The following MGLL variants were observed in gnomAD, a reference collection of about 807,000 sequenced individuals.
The protein encoded by MGLL is lysophospholipase homolog.
A neutral mutation model predicts 29.1 loss-of-function variants in MGLL; 7 were observed. The ratio of observed to expected loss-of-function variants is 0.24; its 90% confidence interval spans 0.14 to 0.45. The LOEUF (loss-of-function observed/expected upper bound fraction) is 0.45. Ranked by LOEUF, MGLL falls within the 20% of genes least tolerant of loss-of-function variation. The pLI is 0.99. For missense variants in MGLL, 356 were observed against 413.6 expected (o/e 0.86, Z 1.21); for synonymous variants, 148 against 168.3 (o/e 0.88, Z 0.93).
At chr3:127,719,914 T>C (rs2075886360) in intron 5 of MGLL, among the ~76,000 whole-genome samples, 3 of 152,196 alleles carry the variant, frequency 2.0e-5, no homozygotes, top group Admixed American at 1.3e-4. Context: ...GGCTAAACTA[T>C]CAGATAGTCC....
chr3:127,697,925 G>A (rs757701362), intron 6 of MGLL, among the ~76,000 whole-genome samples: 1 of 152,128 alleles, frequency 6.6e-6, no homozygotes, highest in Non-Finnish European at 1.5e-5. Context: ...CCACACCCTC[G>A]CCCCTGTTGC....
chr3:127,773,273 G>A (rs922142746), intron 3 of MGLL, among the ~76,000 whole-genome samples: 1 of 152,260 alleles, frequency 6.6e-6, no homozygotes, highest in Non-Finnish European at 1.5e-5. Flanking sequence ...GAACTCTAGA[G>A]CCAGACAGCT....
At chr3:127,810,333 T>C (rs1353852832) in intron 2 of MGLL, among the ~76,000 whole-genome samples, 1 of 152,182 alleles carries the variant, frequency 6.6e-6, no homozygotes, top group Non-Finnish European at 1.5e-5. Flanking sequence ...CAACAGCCAT[T>C]CCAATGCAGG....
chr3:127,760,005 G>C (rs1487396301), intron 3 of MGLL, among the ~76,000 whole-genome samples: 1 of 152,226 alleles, frequency 6.6e-6, no homozygotes, highest in Non-Finnish European at 1.5e-5. Flanking sequence ...TTGCGGGCAG[G>C]CCCTGCTTAG....
chr3:127,817,676 T>C (rs2077781127), intron 2 of MGLL, among the ~76,000 whole-genome samples: 1 of 152,242 alleles, frequency 6.6e-6, no homozygotes, highest in South Asian at 2.1e-4. Flanking sequence ...GAGGATATTT[T>C]TGGAGTCTAA....
chr3:127,805,722 T>A (rs1189915797), intron 2 of MGLL, among the ~76,000 whole-genome samples: 1 of 152,246 alleles, frequency 6.6e-6, no homozygotes, highest in Non-Finnish European at 1.5e-5. Flanking sequence ...GTTCAAATCC[T>A]GGCCCTGCCA....
At chr3:127,815,214 G>A (rs1392013763) in intron 2 of MGLL, among the ~76,000 whole-genome samples, 1 of 152,110 alleles carries the variant, frequency 6.6e-6, no homozygotes, top group African/African-American at 2.4e-5. Flanking sequence ...TCCCCTCCTG[G>A]CTTATCCCAT....
At chr3:127,697,989 G>A (rs556471121) in intron 6 of MGLL, among the ~76,000 whole-genome samples, 3 of 152,320 alleles carry the variant, frequency 2.0e-5, no homozygotes, top group African/African-American at 7.2e-5. Context: ...GCTTTGCCCC[G>A]CTGACCCCAA....
Position 127,692,306 on chromosome 3 carries a change from G to T in MGLL, c.834C>A (p.Tyr278Ter). Reference sequence around the variant, plus strand: ...CAGGAAGCTCCTTGTGGAGAACATGGTAGGCACCTTCATAAATCTGCAATG... The same window carrying T: ...CAGGAAGCTCCTTGTGGAGAACATGTTAGGCACCTTCATAAATCTGCAATG... ...DKTLKIYEGA[Y>*]HVLHKELPEV... Residue 278 changes from tyrosine to a stop codon, truncating the protein, a stop_gained, in exon 8 of 8, where the codon TAC becomes TAA. Coordinates refer to ENST00000265052, the MANE Select transcript of MGLL (RefSeq NM_007283.7). LOFTEE classifies it high-confidence loss of function. The T allele has an allele frequency of 6.2e-7, 1 of 1,614,002 alleles. No homozygotes were observed. The highest frequency in any genetic ancestry group is 8.5e-7 in the Non-Finnish European group (1 of 1,179,960).
chr3:127,696,577 C>A (rs2075371001), intron 6 of MGLL, among the ~76,000 whole-genome samples: 1 of 151,836 alleles, frequency 6.6e-6, no homozygotes, highest in Non-Finnish European at 1.5e-5. Flanking sequence ...TCACACCCAG[C>A]TAATTTTTGT....
At chr3:127,701,442 C>G (rs2075484611) in intron 6 of MGLL, among the ~76,000 whole-genome samples, 1 of 152,172 alleles carries the variant, frequency 6.6e-6, no homozygotes, top group Admixed American at 6.5e-5. Flanking sequence ...GGGTCCCTGT[C>G]ACGCAGAGAT....
intron 2 of MGLL, among the ~76,000 whole-genome samples, chr3:127,814,599 C>G (rs2077722255): frequency 6.6e-6 from 1 of 152,156 alleles, no homozygotes; most frequent in Non-Finnish European, 1.5e-5. Flanking sequence ...ATTCAGGGAG[C>G]AGCTTATTCT....
At chr3:127,783,166 AAAG>A in intron 2 of MGLL, among the ~76,000 whole-genome samples, 2 of 151,478 alleles carry the variant, frequency 1.3e-5, no homozygotes, top group African/African-American at 2.4e-5. Flanking sequence ...AAAAAAAAAA[AAAG>A]AAGTAAAGTA....
intron 2 of MGLL, among the ~76,000 whole-genome samples, chr3:127,818,627 A>T (rs145915997): frequency 4.6e-5 from 7 of 152,304 alleles, no homozygotes; most frequent in Non-Finnish European, 1.0e-4. Context: ...TATCAGGAAA[A>T]CACTACCTAT....
chr3:127,820,109 A>C (rs1170187650), intron 2 of MGLL, among the ~76,000 whole-genome samples: 1 of 152,070 alleles, frequency 6.6e-6, no homozygotes, highest in Non-Finnish European at 1.5e-5. Flanking sequence ...TTCTAGACCC[A>C]TAGGTTTCTT....
At chr3:127,772,694 G>A (rs1203225740) in intron 3 of MGLL, among the ~76,000 whole-genome samples, 1 of 152,146 alleles carries the variant, frequency 6.6e-6, no homozygotes, top group Non-Finnish European at 1.5e-5. Context: ...TCTCTGCTGT[G>A]GTGGGAATGT....
chr3:127,753,008 A>G (rs561825588), intron 3 of MGLL, among the ~76,000 whole-genome samples: 1 of 152,284 alleles, frequency 6.6e-6, no homozygotes, highest in African/African-American at 2.4e-5. Flanking sequence ...CTGCACAGGG[A>G]AAAACAAAGA....
intron 2 of MGLL, among the ~76,000 whole-genome samples, chr3:127,810,142 A>G (rs1024552858): frequency 4.6e-5 from 7 of 152,234 alleles, no homozygotes; most frequent in Middle Eastern, 3.2e-3. Context: ...AGGAAAGGCC[A>G]CACGAGGACA....
chr3:127,765,960 G>A (rs1432819101), intron 3 of MGLL, among the ~76,000 whole-genome samples: 1 of 152,178 alleles, frequency 6.6e-6, no homozygotes, highest in Non-Finnish European at 1.5e-5. Flanking sequence ...CCTACTATGT[G>A]CCCAGCAGCC....
Sources: allele counts gnomAD v4.1 joint callset (sites outside exome capture counted in the v4.1 genomes callset), GRCh38; gene constraint gnomAD v4.1.1; transcripts MANE v1.5; gene names NCBI Gene and HGNC (gene_info 2026-07-23, HGNC 2026-07-21).